Variants in EXT2 observed in about 807,000 individuals in gnomAD.
EXT2 encodes the protein exostosin glycosyltransferase 2.
EXT2 carries 53 observed loss-of-function variants against 81.6 expected under a neutral mutation model. That is an observed-to-expected ratio of 0.65 (90% CI 0.52 to 0.82). The LOEUF is 0.82. Among genes scored for constraint, EXT2 ranks in the 40% least tolerant of loss-of-function variants. The probability of loss-of-function intolerance (pLI) is 0.00; values close to 1 mark genes in which losing one functional copy is unlikely to be tolerated. For synonymous variants in EXT2, 320 were observed against 340.0 expected (o/e 0.94, Z 0.65); for missense variants, 774 against 910.2 (o/e 0.85, Z 1.93).
chr11:44,246,110 T>C lies in EXT2; in HGVS notation c.*1823T>C, dbSNP rs1956091499. ...ATATGGTAGAAAGCCAGGAAAAATA[T>C]TTCTGTTGTCACCCAGGTACCAGAG... On this transcript the variant is annotated 3_prime_UTR_variant, in exon 14 of 14. Coordinates refer to ENST00000533608, the MANE Select transcript of EXT2 (RefSeq NM_207122.2). Among the ~76,000 whole-genome samples, 1 of 152,172 alleles carries C rather than the reference T, an allele frequency of 6.6e-6. No homozygotes were observed. The highest frequency in any genetic ancestry group is 1.5e-5 in the Non-Finnish European group (1 of 68,032).
At chr11:44,214,328 A>G (rs1955690561) in intron 10 of EXT2, among the ~76,000 whole-genome samples, 1 of 152,016 alleles carries the variant, frequency 6.6e-6, no homozygotes, top group Admixed American at 6.6e-5. Flanking sequence ...GATAGCCAGC[A>G]TGGTCTCGAT....
At chr11:44,206,443 G>A (rs182530376) in intron 9 of EXT2, among the ~76,000 whole-genome samples, 5 of 152,282 alleles carry the variant, frequency 3.3e-5, no homozygotes, top group Admixed American at 6.5e-5. Flanking sequence ...GACCTTGGTC[G>A]AGTCGTTTTG....
At chr11:44,239,479 G>A (rs541425914) in intron 13 of EXT2, among the ~76,000 whole-genome samples, 11 of 141,276 alleles carry the variant, frequency 7.8e-5, no homozygotes, top group African/African-American at 2.1e-4. Flanking sequence ...TGTAACCTCC[G>A]CCTCCCAGGT....
At chr11:44,187,091 G>T (rs1955325752) in intron 8 of EXT2, among the ~76,000 whole-genome samples, 1 of 124,422 alleles carries the variant, frequency 8.0e-6, no homozygotes, top group Non-Finnish European at 1.6e-5. Flanking sequence ...CCTCCCTTCT[G>T]CAGCGGCACA....
intron 10 of EXT2, among the ~76,000 whole-genome samples, chr11:44,212,788 A>G (rs776117093): frequency 2.0e-5 from 3 of 152,214 alleles, no homozygotes; most frequent in Non-Finnish European, 2.9e-5. Context: ...AATAAATCTC[A>G]GAAGTGTTAT....
chr11:44,194,348 G>A (rs1955430783), intron 8 of EXT2, among the ~76,000 whole-genome samples: 1 of 152,048 alleles, frequency 6.6e-6, no homozygotes, highest in Non-Finnish European at 1.5e-5. Context: ...TTGCTTATTG[G>A]CCCAGATTTT....
chr11:44,187,144 C>A (rs1165068018), intron 8 of EXT2, among the ~76,000 whole-genome samples: 1 of 146,774 alleles, frequency 6.8e-6, no homozygotes, highest in Non-Finnish European at 1.5e-5. Context: ...CTCAAGTGAT[C>A]CTCCCACCTC....
chr11:44,175,537 T>G (rs1185069761), intron 8 of EXT2, among the ~76,000 whole-genome samples: 2 of 152,176 alleles, frequency 1.3e-5, no homozygotes, highest in Non-Finnish European at 2.9e-5. Flanking sequence ...CCCCATCATC[T>G]GCAGATTTAT....
chr11:44,098,661 C>T (rs1394889937), intron 1 of EXT2, among the ~76,000 whole-genome samples: 2 of 147,840 alleles, frequency 1.4e-5, no homozygotes, highest in East Asian at 2.0e-4. Flanking sequence ...CACCACTGCA[C>T]TCCAGCCTGG....
intron 8 of EXT2, among the ~76,000 whole-genome samples, chr11:44,185,644 T>C (rs908534806): frequency 2.0e-5 from 3 of 152,240 alleles, no homozygotes; most frequent in Admixed American, 1.3e-4. Flanking sequence ...TTCCACTCTG[T>C]ATCAACTTTC....
chr11:44,165,686 T>C (rs1229828670), intron 7 of EXT2, among the ~76,000 whole-genome samples: 1 of 152,230 alleles, frequency 6.6e-6, no homozygotes, highest in East Asian at 1.9e-4. Context: ...AGTTGGAATG[T>C]GGTTTAATTT....
intron 4 of EXT2, among the ~76,000 whole-genome samples, chr11:44,121,981 C>T (rs1465696747): frequency 4.6e-5 from 7 of 152,160 alleles, no homozygotes; most frequent in Non-Finnish European, 1.0e-4. Flanking sequence ...CCCCACCCGA[C>T]CATGCAGAAA....
At chr11:44,223,278 G>A (rs1190527826) in intron 10 of EXT2, among the ~76,000 whole-genome samples, 1 of 152,172 alleles carries the variant, frequency 6.6e-6, no homozygotes, top group African/African-American at 2.4e-5. Flanking sequence ...TACACATTTG[G>A]GCATTTATCC....
intron 8 of EXT2, among the ~76,000 whole-genome samples, chr11:44,179,654 A>G (rs527253478): frequency 6.6e-6 from 1 of 152,336 alleles, no homozygotes; most frequent in East Asian, 1.9e-4. Flanking sequence ...TCAATAATAG[A>G]ACTTACCAGG....
rs954412120 is a variant in EXT2 at position 44,130,877 on chromosome 11, C to A, written c.1173+739C>A. ...CTTGGCGGATTCTCAGCAGTACGTG[C>A]GTAAGTGTCCCATGCCACCCCCTGC... On this transcript the variant is annotated intron_variant, in intron 7 of 13. Coordinates refer to ENST00000533608, the MANE Select transcript of EXT2 (RefSeq NM_207122.2). 2.0e-5 allele frequency among the ~76,000 whole-genome samples: 3 copies of A among 152,232 alleles called. No homozygotes were observed. In the East Asian group the frequency reaches 5.8e-4, roughly 29 times the overall value.
Position 44,178,180 on chromosome 11 carries a change from A to G in EXT2, c.1305+6438A>G, listed in dbSNP as rs79884633. 3.9e-3 allele frequency among the ~76,000 whole-genome samples: 593 copies of G among 152,302 alleles called. 5 individuals are homozygous for G. The highest frequency in any genetic ancestry group is 0.014 in the African/African-American group (569 of 41,580). On this transcript the variant is annotated intron_variant, in intron 8 of 13. Transcript: ENST00000533608. ...GTGTGCCATGGGGCAGTGGTTCTCA[A>G]TCTTTAGTAGGCATCAGAATACAGA... is the stretch of plus-strand genomic sequence containing the variant.
intron 7 of EXT2, among the ~76,000 whole-genome samples, chr11:44,154,249 A>G (rs1954830902): frequency 6.6e-6 from 1 of 151,934 alleles, no homozygotes; most frequent in African/African-American, 2.4e-5. Context: ...TATTCTATCT[A>G]ACTATATTTT....
At chr11:44,218,375 T>G (rs1451300632) in intron 10 of EXT2, among the ~76,000 whole-genome samples, 1 of 152,068 alleles carries the variant, frequency 6.6e-6, no homozygotes, top group Non-Finnish European at 1.5e-5. Flanking sequence ...AGGAATTTTG[T>G]TTTGGTGAGC....
chr11:44,208,982 A>C (rs1955615805), intron 10 of EXT2, among the ~76,000 whole-genome samples: 1 of 152,224 alleles, frequency 6.6e-6, no homozygotes, highest in South Asian at 2.1e-4. Context: ...TACATTTTTT[A>C]GGTACCCCTA....
Sources: allele counts gnomAD v4.1 joint callset (sites outside exome capture counted in the v4.1 genomes callset), GRCh38; gene constraint gnomAD v4.1.1; transcripts MANE v1.5; gene names NCBI Gene and HGNC (gene_info 2026-07-23, HGNC 2026-07-21).